HPSE2: variants seen among roughly 807,000 people sequenced by gnomAD.
HPSE2 encodes heparanase 2 (inactive).
In HPSE2, 38 loss-of-function variants were observed where a neutral mutation model predicts 60.5. The ratio of observed to expected loss-of-function variants is 0.63; its 90% confidence interval spans 0.48 to 0.82. HPSE2 has a LOEUF of 0.82. Among genes scored for constraint, HPSE2 ranks in the 40% least tolerant of loss-of-function variants. The pLI is 0.00. For synonymous variants in HPSE2, 295 were observed against 293.2 expected, an observed-to-expected ratio of 1.01 and a Z score of -0.06; for missense variants, 713 against 740.4, an observed-to-expected ratio of 0.96 and a Z score of 0.43.
intron 4 of HPSE2, among the ~76,000 whole-genome samples, chr10:98,734,866 A>G (rs1187892451): frequency 2.7e-5 from 4 of 147,400 alleles, no homozygotes; most frequent in Non-Finnish European, 6.0e-5. Flanking sequence ...CAGTACAAAG[A>G]GTACCCATAT....
chr10:99,025,616 C>T (rs965262600), intron 3 of HPSE2, among the ~76,000 whole-genome samples: 11 of 152,030 alleles, frequency 7.2e-5, no homozygotes, highest in Non-Finnish European at 1.6e-4. Context: ...AACTGAATAC[C>T]ACATGTTCTC....
At chr10:98,856,826 A>G (rs1221738483) in intron 3 of HPSE2, among the ~76,000 whole-genome samples, 1 of 152,214 alleles carries the variant, frequency 6.6e-6, no homozygotes, top group Non-Finnish European at 1.5e-5. Context: ...CATTATGTTA[A>G]GTAAAAAATC....
intron 3 of HPSE2, among the ~76,000 whole-genome samples, chr10:98,989,024 A>T (rs1329865425): frequency 9.9e-5 from 15 of 151,120 alleles, no homozygotes; most frequent in Admixed American, 7.2e-4. Flanking sequence ...GTGGAGAAAT[A>T]GGAACACTTT....
At chr10:98,588,429 T>A (rs899003289) in intron 9 of HPSE2, among the ~76,000 whole-genome samples, 19 of 152,132 alleles carry the variant, frequency 1.2e-4, no homozygotes, top group Admixed American at 9.8e-4. Flanking sequence ...CTAGGGCAGC[T>A]ACAGTGGCAC....
the HPSE2 span, among the ~76,000 whole-genome samples, chr10:99,291,749 C>T: frequency 6.6e-6 from 1 of 152,110 alleles, no homozygotes; most frequent in Non-Finnish European, 1.5e-5. Flanking sequence ...GGGCTAGGCC[C>T]ATCACCCAGA....
chr10:98,855,156 C>G (rs777448895), intron 3 of HPSE2, among the ~76,000 whole-genome samples: 11 of 152,188 alleles, frequency 7.2e-5, no homozygotes, highest in Non-Finnish European at 1.6e-4. Context: ...AAGCACCATA[C>G]AAGCTGGTAA....
the HPSE2 span, among the ~76,000 whole-genome samples, chr10:99,282,476 T>C: frequency 6.6e-6 from 1 of 151,986 alleles, no homozygotes; most frequent in Admixed American, 6.6e-5. Context: ...AAATAGAAGA[T>C]CACCGAGGAC....
intron 3 of HPSE2, among the ~76,000 whole-genome samples, chr10:98,948,330 A>G (rs1037356174): frequency 7.9e-5 from 12 of 152,190 alleles, no homozygotes; most frequent in African/African-American, 2.9e-4. Context: ...GTTTCAAGGT[A>G]TGGATCTTAG....
At chr10:99,046,603 A>T (rs1050929739) in intron 3 of HPSE2, among the ~76,000 whole-genome samples, 1 of 152,120 alleles carries the variant, frequency 6.6e-6, no homozygotes, top group Non-Finnish European at 1.5e-5. Flanking sequence ...AAAGGCTACT[A>T]TAAAAGATCA....
At chr10:98,718,206 CTGA>C (rs1469510800) in intron 5 of HPSE2, among the ~76,000 whole-genome samples, 1 of 152,076 alleles carries the variant, frequency 6.6e-6, no homozygotes. Context: ...TTAGATAAAA[CTGA>C]TGATTAAGAA....
intron 6 of HPSE2, among the ~76,000 whole-genome samples, chr10:98,676,298 T>C (rs1243574620): frequency 1.3e-5 from 2 of 152,150 alleles, no homozygotes; most frequent in Non-Finnish European, 1.5e-5. Context: ...CTCAGACTGT[T>C]GTTCAGAGTT....
At chr10:98,947,807 C>T (rs1158752256) in intron 3 of HPSE2, among the ~76,000 whole-genome samples, 1 of 152,024 alleles carries the variant, frequency 6.6e-6, no homozygotes, top group African/African-American at 2.4e-5. Flanking sequence ...AATAAGAAGG[C>T]CTGAACAAGA....
chr10:99,132,223 G>A (rs61883573), intron 3 of HPSE2, among the ~76,000 whole-genome samples: 804 of 25,012 alleles, frequency 0.032, 81 homozygotes, highest in Middle Eastern at 0.15. Flanking sequence ...GAGAGAGAGA[G>A]AGAGAGAGAG....
intron 9 of HPSE2, among the ~76,000 whole-genome samples, chr10:98,597,395 C>T (rs663811): frequency 0.92 from 139,344 of 152,106 alleles, 64,719 homozygotes; most frequent in East Asian, 1. Context: ...CCATGTGCCA[C>T]GGCTCACACC....
chr10:98,982,810 T>C (rs1564709899), intron 3 of HPSE2, among the ~76,000 whole-genome samples: 1 of 152,170 alleles, frequency 6.6e-6, no homozygotes, highest in African/African-American at 2.4e-5. Context: ...ATAAAACAAA[T>C]AATGTCAAAT....
At chr10:98,985,095 A>C (rs991085422) in intron 3 of HPSE2, among the ~76,000 whole-genome samples, 11 of 152,230 alleles carry the variant, frequency 7.2e-5, no homozygotes, top group Non-Finnish European at 2.9e-5. Flanking sequence ...GAATTTCCCC[A>C]ATCTAGCAAG....
chr10:98,769,003 C>T lies in HPSE2; in HGVS notation c.611-24947G>A, dbSNP rs191954972. On this transcript the variant is annotated intron_variant, in intron 3 of 11. Coordinates refer to ENST00000370552, the MANE Select transcript of HPSE2 (RefSeq NM_021828.5). ...CAGAGGTTGCAGTGAAGGGAGATCG[C>T]GCCACTGCACTCCAGCCTGCATGAC... is the stretch of plus-strand genomic sequence containing the variant. Among the ~76,000 whole-genome samples the T allele has an allele frequency of 2.6e-5, 4 of 152,166 alleles. No individual in the cohort carries two copies. The East Asian group carries it at 5.8e-4, about 22-fold the overall frequency.
At chr10:99,068,032 A>G (rs1241317102) in intron 3 of HPSE2, among the ~76,000 whole-genome samples, 1 of 152,164 alleles carries the variant, frequency 6.6e-6, no homozygotes, top group Non-Finnish European at 1.5e-5. Flanking sequence ...TTGCATAGCA[A>G]AAGTGACCTT....
At chr10:99,156,090 A>C (rs1846543327) in intron 2 of HPSE2, among the ~76,000 whole-genome samples, 1 of 147,728 alleles carries the variant, frequency 6.8e-6, no homozygotes, top group Non-Finnish European at 1.5e-5. Context: ...ACAGGATCTG[A>C]AATTGTGGCA....
Sources: allele counts gnomAD v4.1 joint callset (sites outside exome capture counted in the v4.1 genomes callset), GRCh38; gene constraint gnomAD v4.1.1; transcripts MANE v1.5; gene names NCBI Gene and HGNC (gene_info 2026-07-23, HGNC 2026-07-21).